The following FBXW8 variants were observed in gnomAD, a reference collection of about 807,000 sequenced individuals.
The protein encoded by FBXW8 is F-box and WD repeat domain containing 8.
In FBXW8, 57 loss-of-function variants were observed where a neutral mutation model predicts 65.3. That is an observed-to-expected ratio of 0.87 (90% CI 0.71 to 1.09). FBXW8 has a LOEUF of 1.09. FBXW8 is among the 50% of genes least tolerant of loss of function. FBXW8 has a pLI of 0.00. For missense variants in FBXW8, 777 were observed against 814.8 expected (o/e 0.95, Z 0.57); for synonymous variants, 308 against 330.2 (o/e 0.93, Z 0.73).
intron 2 of FBXW8, among the ~76,000 whole-genome samples, chr12:116,933,674 G>T (rs1055466416): frequency 6.6e-6 from 1 of 152,214 alleles, no homozygotes; most frequent in Non-Finnish European, 1.5e-5. Flanking sequence ...TTAGCGTACA[G>T]TGACTAAGTT....
chr12:116,966,320 G>T (rs1592898788), intron 5 of FBXW8, among the ~76,000 whole-genome samples: 1 of 152,112 alleles, frequency 6.6e-6, no homozygotes, highest in Non-Finnish European at 1.5e-5. Context: ...GTACTTTTAA[G>T]TTAGAATCAT....
chr12:116,955,801 G>A (rs749701503), intron 4 of FBXW8, among the ~76,000 whole-genome samples: 3 of 152,124 alleles, frequency 2.0e-5, no homozygotes, highest in Non-Finnish European at 4.4e-5. Flanking sequence ...GACATCATGA[G>A]TTCAAAAAAG....
At position 117,028,124 on chromosome 12, in the gene FBXW8, C is replaced by T; in HGVS notation, c.1749C>T (p.Ala583=). The T allele has an allele frequency of 6.2e-7, 1 of 1,614,200 alleles. No individual in the cohort carries two copies. The highest frequency in any genetic ancestry group is 8.5e-7 in the Non-Finnish European group (1 of 1,180,034). ...PVCRSSCDAM[A]THYYDLALAF... ...GCCGTTCATCCTGTGACGCCATGGC[C>T]ACTCACTACTACGACCTCGCACTGG... The change falls in exon 11 of 11, where the codon GCC becomes GCT. Residue 583 remains alanine, a synonymous_variant. Coordinates refer to ENST00000652555, the MANE Select transcript of FBXW8 (RefSeq NM_153348.3). This position sits in a 1 kb window ranked among gnomAD's most constrained non-coding sequence, Gnocchi z 4.1.
At chr12:116,947,546 C>G (rs567059710) in intron 3 of FBXW8, among the ~76,000 whole-genome samples, 7 of 151,904 alleles carry the variant, frequency 4.6e-5, no homozygotes, top group Admixed American at 3.9e-4. Flanking sequence ...TTAGGAGTTC[C>G]ATGGCCAATA....
chr12:116,953,997 C>T (rs1411926245), intron 4 of FBXW8, among the ~76,000 whole-genome samples: 1 of 151,238 alleles, frequency 6.6e-6, no homozygotes, highest in Non-Finnish European at 1.5e-5. Context: ...ACCTGTAATC[C>T]TAGCTACTTG....
At chr12:116,966,844 G>T (rs1025548789) in intron 5 of FBXW8, among the ~76,000 whole-genome samples, 2 of 151,938 alleles carry the variant, frequency 1.3e-5, no homozygotes, top group Non-Finnish European at 2.9e-5. Context: ...TCAGCCTCCC[G>T]AGTAGCTGGG....
chr12:117,026,921 C>G (rs1239584301), intron 9 of FBXW8, among the ~76,000 whole-genome samples: 1 of 152,182 alleles, frequency 6.6e-6, no homozygotes, highest in Non-Finnish European at 1.5e-5. Context: ...TTTCACCACC[C>G]AGGGTACGTG....
At chr12:117,008,660 TATTTA>T (rs753922188) in intron 7 of FBXW8, among the ~76,000 whole-genome samples, 3 of 152,268 alleles carry the variant, frequency 2.0e-5, no homozygotes, top group Admixed American at 6.5e-5. Context: ...AGGTAGAGAA[TATTTA>T]ATTTATTATT....
At position 117,024,286 on chromosome 12, in the gene FBXW8, C is replaced by T. The variant is rs775427815; in HGVS notation, c.1507C>T (p.Arg503Trp). The T allele has an allele frequency of 3.7e-6, 6 of 1,614,154 alleles. No individual in the cohort carries two copies. Among genetic ancestry groups the T allele is most frequent in the Non-Finnish European group, 4.2e-6 (5 of 1,180,012 alleles). ...EEGLVSVWDY[R>W]MNQKLWEVYS... ...AGGCCTGGTGTCCGTGTGGGATTAT[C>T]GGATGAACCAGAAGCTGTGGGAGGT... Residue 503 changes from arginine to tryptophan, a missense_variant, in exon 9 of 11, where the codon CGG (arginine) becomes TGG (tryptophan). Coordinates refer to ENST00000652555, the MANE Select transcript of FBXW8 (RefSeq NM_153348.3).
intron 4 of FBXW8, among the ~76,000 whole-genome samples, chr12:116,960,148 GTTC>G (rs909834478): frequency 3.3e-5 from 5 of 152,192 alleles, no homozygotes; most frequent in African/African-American, 1.2e-4. Context: ...TTCGTTATCT[GTTC>G]TTGCTGCTCC....
At chr12:116,911,478 A>G in intron 1 of FBXW8, 123 bp downstream of exon 1, 1 of 624,044 alleles carries the variant, frequency 1.6e-6, no homozygotes, top group Non-Finnish European at 2.3e-6. Flanking sequence ...GAGTAGACGC[A>G]CAAACACCAA....
chr12:116,976,802 G>A (rs1044367345), intron 5 of FBXW8, among the ~76,000 whole-genome samples: 25 of 152,034 alleles, frequency 1.6e-4, no homozygotes, highest in African/African-American at 5.6e-4. Flanking sequence ...CAGATGTTAC[G>A]TTTTTGCCAC....
intron 1 of FBXW8, among the ~76,000 whole-genome samples, chr12:116,919,964 TA>T (rs1390102950): frequency 6.6e-6 from 1 of 152,246 alleles, no homozygotes; most frequent in Non-Finnish European, 1.5e-5. Flanking sequence ...GTAAGCTCCC[TA>T]ATGTGAACAC....
chr12:116,993,808 T>C (rs1953310328), intron 7 of FBXW8, among the ~76,000 whole-genome samples: 1 of 152,256 alleles, frequency 6.6e-6, no homozygotes, highest in African/African-American at 2.4e-5. Flanking sequence ...ACGTAAATTA[T>C]TTGCCTAGGC....
rs112839220 is a variant in FBXW8, at chr12:116,922,935, G to A, written c.319-5088G>A. On this transcript the variant is annotated intron_variant, in intron 1 of 10. Transcript: ENST00000652555. ...GCCTGAGAAAGAGGTGCTTGAGGCC[G>A]GGTGCAGTGGCTCATGCCTGTAATC... 3.2e-3 allele frequency among the ~76,000 whole-genome samples: 486 copies of A among 151,732 alleles called. 4 individuals carry two copies. Among genetic ancestry groups the A allele is most frequent in the African/African-American group, 0.011 (462 of 41,356 alleles).
intron 2 of FBXW8, among the ~76,000 whole-genome samples, chr12:116,929,594 T>C (rs534518402): frequency 9.6e-4 from 146 of 152,330 alleles, no homozygotes; most frequent in Non-Finnish European, 1.7e-3. Flanking sequence ...TAAAGTTATA[T>C]ATATGTATCA....
At chr12:117,016,543 A>G (rs1359970887) in intron 8 of FBXW8, among the ~76,000 whole-genome samples, 3 of 152,126 alleles carry the variant, frequency 2.0e-5, no homozygotes, top group Non-Finnish European at 1.5e-5. Flanking sequence ...TGTGATTTGC[A>G]AAATATTTTC....
intron 7 of FBXW8, among the ~76,000 whole-genome samples, chr12:117,004,999 G>A (rs1237107747): frequency 6.6e-6 from 1 of 152,228 alleles, no homozygotes; most frequent in Non-Finnish European, 1.5e-5. Context: ...TATCCAGCAT[G>A]GTCACTGTTT....
rs1953936502 is a variant in FBXW8 at position 117,015,808 on chromosome 12, T to G, written c.1367+5358T>G. ...CATTTTAGAACATTTTCACCCCAAA[T>G]AGAAACCCCAAATCCATTAGCAGTC... On this transcript the variant is annotated intron_variant, in intron 8 of 10. Transcript: ENST00000652555. 3.3e-5 allele frequency among the ~76,000 whole-genome samples: 5 copies of G among 152,178 alleles called. No individual in the cohort carries two copies. In the South Asian group the frequency reaches 1.0e-3, roughly 32 times the overall value.
Sources: gnomAD v4.1 joint callset for allele counts (sites outside exome capture counted in the v4.1 genomes callset) on GRCh38, gnomAD v4.1.1 for gene constraint, Gnocchi (gnomAD v3.1) non-coding constraint, MANE v1.5 for transcripts, NCBI Gene and HGNC (gene_info 2026-07-23, HGNC 2026-07-21) for gene names.